PRR16: variants seen among roughly 807,000 people sequenced by gnomAD.
PRR16 encodes protein Largen.
PRR16 carries 6 observed loss-of-function variants against 18.2 expected under a neutral mutation model. The ratio of observed to expected loss-of-function variants is 0.33; its 90% CI spans 0.18 to 0.65. The LOEUF (loss-of-function observed/expected upper bound fraction) is 0.65, where lower values mean the gene tolerates loss of function less well. PRR16 is among the 30% of genes least tolerant of loss of function. The pLI is 0.74. For missense variants in PRR16, 412 were observed against 376.6 expected, an observed-to-expected ratio of 1.09 and a Z score of -0.78; for synonymous variants, 151 against 147.8, an observed-to-expected ratio of 1.02 and a Z score of -0.16.
At chr5:120,718,498 T>C in the PRR16 span, among the ~76,000 whole-genome samples, 5 of 152,136 alleles carry the variant, frequency 3.3e-5, no homozygotes, top group Admixed American at 3.3e-4. Flanking sequence ...AAAGGAGCAG[T>C]AGTCAATTCT....
downstream of PRR16, among the ~76,000 whole-genome samples, chr5:120,687,781 AAG>A (rs1236156644): frequency 6.6e-6 from 1 of 152,208 alleles, no homozygotes; most frequent in Non-Finnish European, 1.5e-5. Flanking sequence ...TTCTAAAAGA[AAG>A]AGAAGAAATC....
the PRR16 span, among the ~76,000 whole-genome samples, chr5:120,740,956 G>T: frequency 6.6e-6 from 1 of 151,744 alleles, no homozygotes; most frequent in African/African-American, 2.4e-5. Flanking sequence ...AAAATTAAGA[G>T]CACAATTAAT....
At chr5:120,578,512 C>T (rs1753156209) in intron 1 of PRR16, among the ~76,000 whole-genome samples, 1 of 152,066 alleles carries the variant, frequency 6.6e-6, no homozygotes, top group South Asian at 2.1e-4. Flanking sequence ...GTTTTCTGTC[C>T]CTGTGTTAGT....
At chr5:120,746,725 G>A in the PRR16 span, among the ~76,000 whole-genome samples, 1 of 152,006 alleles carries the variant, frequency 6.6e-6, no homozygotes, top group Non-Finnish European at 1.5e-5. Context: ...GCTCCTGGAG[G>A]TCTTTAATGT....
chr5:120,630,293 T>G (rs923844570), intron 1 of PRR16, among the ~76,000 whole-genome samples: 4 of 152,168 alleles, frequency 2.6e-5, no homozygotes, highest in Admixed American at 6.6e-5. Context: ...TCACAGATTG[T>G]CTTTTTTTAT....
chr5:120,730,415 T>C, the PRR16 span, among the ~76,000 whole-genome samples: 1 of 152,114 alleles, frequency 6.6e-6, no homozygotes. Context: ...AACTAAAAGT[T>C]AGTTAGATAA....
intron 1 of PRR16, among the ~76,000 whole-genome samples, chr5:120,616,322 G>C (rs1754509621): frequency 6.6e-6 from 1 of 152,164 alleles, no homozygotes; most frequent in Non-Finnish European, 1.5e-5. Flanking sequence ...CAACAATCTT[G>C]CATTTCTGAA....
chr5:120,668,480 A>G (rs1756474955), intron 1 of PRR16, among the ~76,000 whole-genome samples: 1 of 151,550 alleles, frequency 6.6e-6, no homozygotes. Flanking sequence ...GTTATGTGTG[A>G]ATTTGATCCT....
intron 1 of PRR16, among the ~76,000 whole-genome samples, chr5:120,502,929 C>T (rs1320335465): frequency 6.6e-6 from 1 of 152,108 alleles, no homozygotes; most frequent in African/African-American, 2.4e-5. Flanking sequence ...ATTCAGAAAC[C>T]TTCTCATATC....
intron 1 of PRR16, among the ~76,000 whole-genome samples, chr5:120,534,016 A>G (rs1339902029): frequency 6.6e-6 from 1 of 152,150 alleles, no homozygotes; most frequent in Non-Finnish European, 1.5e-5. Context: ...TAAGATGGAG[A>G]AGGCTGCATG....
intron 1 of PRR16, among the ~76,000 whole-genome samples, chr5:120,542,940 T>C (rs966180484): frequency 1.3e-5 from 2 of 152,210 alleles, no homozygotes; most frequent in African/African-American, 4.8e-5. Context: ...GTTTTATTGC[T>C]GTGTTTTTAA....
chr5:120,543,789 G>T (rs556952648), intron 1 of PRR16, among the ~76,000 whole-genome samples: 178 of 152,234 alleles, frequency 1.2e-3, no homozygotes, highest in Non-Finnish European at 2.2e-3. Flanking sequence ...ATGACATTAG[G>T]ATGGGAGTGA....
chr5:120,662,798 T>G (rs1400886150), intron 1 of PRR16, among the ~76,000 whole-genome samples: 1 of 152,122 alleles, frequency 6.6e-6, no homozygotes, highest in Admixed American at 6.6e-5. Flanking sequence ...AAGGTGAGCT[T>G]ATTTCATTCC....
At chr5:120,681,467 T>C (rs556327970) in intron 1 of PRR16, among the ~76,000 whole-genome samples, 2 of 152,300 alleles carry the variant, frequency 1.3e-5, no homozygotes, top group South Asian at 4.1e-4. Context: ...TTTCCTAGTA[T>C]TTAGCTTCAC....
chr5:120,787,655 GGTTA>G, the PRR16 span, among the ~76,000 whole-genome samples: 13 of 152,096 alleles, frequency 8.5e-5, no homozygotes, highest in East Asian at 2.3e-3. Flanking sequence ...AGAAGGAATG[GGTTA>G]GTTTGCTCAC....
chr5:120,523,103 G>T (rs1751240147), intron 1 of PRR16, among the ~76,000 whole-genome samples: 1 of 149,442 alleles, frequency 6.7e-6, no homozygotes, highest in Admixed American at 6.6e-5. Flanking sequence ...CTTCAAAAGA[G>T]TTAACTGGAA....
chr5:120,566,900 T>C (rs961929283), intron 1 of PRR16, among the ~76,000 whole-genome samples: 1 of 152,200 alleles, frequency 6.6e-6, no homozygotes, highest in African/African-American at 2.4e-5. Flanking sequence ...TTCACTCTGG[T>C]CTTTGATATA....
At chr5:120,654,015 C>A (rs577586731) in intron 1 of PRR16, among the ~76,000 whole-genome samples, 1 of 152,138 alleles carries the variant, frequency 6.6e-6, no homozygotes, top group South Asian at 2.1e-4. Flanking sequence ...CAAATGACCA[C>A]CCTGTCCCAA....
the PRR16 span, among the ~76,000 whole-genome samples, chr5:120,708,298 C>T: frequency 1.3e-5 from 2 of 152,168 alleles, no homozygotes; most frequent in African/African-American, 4.8e-5. Context: ...AAAAGTTCCT[C>T]TTTGTGGTAA....
Sources: gnomAD v4.1 joint callset for allele counts (sites outside exome capture counted in the v4.1 genomes callset) on GRCh38, gnomAD v4.1.1 for gene constraint, MANE v1.5 for transcripts, NCBI Gene and HGNC (gene_info 2026-07-23, HGNC 2026-07-21) for gene names.